CCDC191: variants seen among roughly 807,000 people sequenced by gnomAD.
The protein encoded by CCDC191 is coiled-coil domain-containing protein 191.
Under a neutral mutation model 114.0 loss-of-function variants are expected in CCDC191, and 99 were observed. That is an observed-to-expected ratio of 0.87 (90% CI 0.74 to 1.03). CCDC191 has a LOEUF of 1.03. CCDC191 is among the 50% of genes least tolerant of loss of function. The pLI, the probability that CCDC191 is intolerant of heterozygous loss-of-function variation, is 0.00. For missense variants in CCDC191, 973 were observed against 1,087.0 expected, an observed-to-expected ratio of 0.90 and a Z score of 1.47; for synonymous variants, 351 against 376.0, an observed-to-expected ratio of 0.93 and a Z score of 0.77.
chr3:114,008,192 T>TC (rs200249327), intron 9 of CCDC191, among the ~76,000 whole-genome samples: 5 of 149,452 alleles, frequency 3.3e-5, no homozygotes, highest in Non-Finnish European at 4.4e-5. Context: ...TTTTTTTTTT[T>TC]CATTTAAGAA....
Position 114,010,867 on chromosome 3 carries a change from C to A in CCDC191, c.1318G>T (p.Ala440Ser). The A allele has an allele frequency of 6.2e-7, 1 of 1,614,100 alleles. No individual in the cohort carries two copies. Among genetic ancestry groups the A allele is most frequent in the Non-Finnish European group, 8.5e-7 (1 of 1,179,946 alleles). ...RKKMDALLQA[A>S]SLGKLSANGL... is the part of the protein sequence containing the mutation. The stretch of plus-strand genomic sequence containing the variant: ...TTGGCACTGAGTTTCCCCAGTGATG[C>A]TGCCTGCAGCAGTGCATCCATCTTC... The change falls in exon 9 of 17, where the codon GCA becomes TCA. Residue 440 changes from alanine (A) to serine (S), a missense_variant. Transcript: ENST00000295878.
At chr3:113,975,325 G>T (rs1941233807) in intron 16 of CCDC191, among the ~76,000 whole-genome samples, 1 of 152,178 alleles carries the variant, frequency 6.6e-6, no homozygotes, top group Non-Finnish European at 1.5e-5. Context: ...AAGACCAATA[G>T]ATGTCTCTCC....
intron 11 of CCDC191, chr3:114,002,801 GT>G (rs1425295930): frequency 6.5e-6 from 6 of 925,944 alleles, no homozygotes; most frequent in Non-Finnish European, 6.4e-6. Flanking sequence ...TAAAATAATT[GT>G]TTACTGATTT....
Position 113,967,007 on chromosome 3 carries a change from G to A in CCDC191, c.2607-1648C>T, listed in dbSNP as rs566954019. Among the ~76,000 whole-genome samples, 15 of 152,182 alleles carry A rather than the reference G, an allele frequency of 9.9e-5. No homozygotes were observed. The South Asian group carries it at 2.7e-3, about 27-fold the overall frequency. ...CCAGCTACTTGGGAGGCTGAGGCAC[G>A]AGAATCACTTGAACCTGGGAGGTGG... On this transcript the variant is annotated intron_variant, in intron 16 of 16. Transcript: ENST00000295878.
At chr3:113,973,533 A>G (rs1941028172) in intron 16 of CCDC191, among the ~76,000 whole-genome samples, 1 of 151,534 alleles carries the variant, frequency 6.6e-6, no homozygotes, top group Non-Finnish European at 1.5e-5. Flanking sequence ...TTCTGAGAAA[A>G]ACTTTCTCTA....
chr3:114,049,568 C>G (rs1213262521), intron 2 of CCDC191, among the ~76,000 whole-genome samples: 1 of 152,108 alleles, frequency 6.6e-6, no homozygotes, highest in South Asian at 2.1e-4. Context: ...GGAATTTGTA[C>G]AGGTTCTTAA....
chr3:114,038,602 A>G (rs1398324313), intron 4 of CCDC191, among the ~76,000 whole-genome samples: 1 of 152,182 alleles, frequency 6.6e-6, no homozygotes, highest in Non-Finnish European at 1.5e-5. Context: ...GTATCTTTAT[A>G]ATAGAATGAT....
At chr3:113,999,213 T>C (rs1308933507) in intron 13 of CCDC191, among the ~76,000 whole-genome samples, 1 of 152,172 alleles carries the variant, frequency 6.6e-6, no homozygotes, top group Non-Finnish European at 1.5e-5. Flanking sequence ...AATTTTGGCT[T>C]CCTGTTCCCA....
chr3:114,029,937 T>C (rs1479915988), intron 7 of CCDC191, among the ~76,000 whole-genome samples: 1 of 152,078 alleles, frequency 6.6e-6, no homozygotes, highest in Non-Finnish European at 1.5e-5. Context: ...AATAAATAAA[T>C]GCAGTGTGAA....
intron 13 of CCDC191, among the ~76,000 whole-genome samples, chr3:113,997,648 C>A (rs1163269408): frequency 1.3e-5 from 2 of 152,010 alleles, no homozygotes; most frequent in South Asian, 2.1e-4. Context: ...TCCCAGTGGC[C>A]AAAGCTGAAA....
At chr3:114,052,652 C>G (rs1213626697) in intron 2 of CCDC191, among the ~76,000 whole-genome samples, 4 of 152,150 alleles carry the variant, frequency 2.6e-5, no homozygotes, top group Non-Finnish European at 5.9e-5. Context: ...ACTGTAAACC[C>G]TGGGAGGGCA....
At chr3:114,015,968 T>G (rs2076151706) in intron 8 of CCDC191, among the ~76,000 whole-genome samples, 1 of 152,010 alleles carries the variant, frequency 6.6e-6, no homozygotes, top group South Asian at 2.1e-4. Flanking sequence ...AGAGAGAGAT[T>G]TGTGGTTGCT....
At chr3:113,978,463 A>G in intron 15 of CCDC191, 132 bp from the exon 16 acceptor site, 1 of 921,312 alleles carries the variant, frequency 1.1e-6, no homozygotes, top group Non-Finnish European at 1.6e-6. Context: ...AAAGAAAAGG[A>G]TAACCTGGAA....
intron 8 of CCDC191, among the ~76,000 whole-genome samples, chr3:114,014,389 T>C (rs768524821): frequency 6.6e-6 from 1 of 152,192 alleles, no homozygotes; most frequent in Non-Finnish European, 1.5e-5. Flanking sequence ...TTCTGGCTGC[T>C]CACCTGCATA....
In CCDC191 at chr3:114,056,513, C is replaced by T. The variant is rs373974678; in HGVS notation, c.-47G>A. On this transcript the variant is annotated 5_prime_UTR_variant, in exon 1 of 17. Coordinates refer to ENST00000295878, the MANE Select transcript of CCDC191 (RefSeq NM_020817.2). Reference sequence around the variant, plus strand: ...CTCGGCCAAAGCTGCAGCAACCGCCCTTCTGCCCGGGCTGCCTCCGGGTCA... The same window carrying T: ...CTCGGCCAAAGCTGCAGCAACCGCCTTTCTGCCCGGGCTGCCTCCGGGTCA... 1.4e-5 allele frequency: 23 copies of T among 1,613,238 alleles called. No individual in the cohort carries two copies. The East Asian group carries it at 2.0e-4, about 14-fold the overall frequency.
intron 16 of CCDC191, among the ~76,000 whole-genome samples, chr3:113,972,172 T>C (rs1940887138): frequency 6.6e-6 from 1 of 152,106 alleles, no homozygotes; most frequent in African/African-American, 2.4e-5. Context: ...AGTTGACTTA[T>C]TTTTTGAAGT....
In CCDC191 at chr3:114,042,713, G is replaced by A. The variant is rs2076579602; in HGVS notation, c.405C>T (p.Asp135=). The A allele has an allele frequency of 1.3e-6, 2 of 1,579,474 alleles. No homozygotes were observed. Among genetic ancestry groups the A allele is most frequent in the East Asian group, 4.7e-5 (2 of 42,484 alleles). The change falls in exon 4 of 17, where the codon GAC becomes GAT. Residue 135 remains aspartate (D), a synonymous_variant. Transcript: ENST00000295878. The part of the protein sequence containing the change: ...MPEANGHLKY[D]KFDDLCGYLE... ...CAGGTAAGTTCTTACCATCAAACTT[G>A]TCATATTTCAAATGGCCATTGGCTT...
At chr3:114,002,949 T>C (rs768890143) in intron 11 of CCDC191, 9 of 984,348 alleles carry the variant, frequency 9.1e-6, no homozygotes, top group Non-Finnish European at 1.1e-5. Flanking sequence ...CCTCAAATCC[T>C]ATTGAATCTG....
At chr3:114,046,896 T>A in intron 2 of CCDC191, 164 bp from the exon 3 acceptor site, 1 of 982,106 alleles carries the variant, frequency 1.0e-6, no homozygotes. Flanking sequence ...CCCCCAAATA[T>A]TCTGGGAGGT....
Sources: gnomAD v4.1 joint callset for allele counts (sites outside exome capture counted in the v4.1 genomes callset) on GRCh38, gnomAD v4.1.1 for gene constraint, MANE v1.5 for transcripts, NCBI Gene and HGNC (gene_info 2026-07-23, HGNC 2026-07-21) for gene names.